The following ARID2 variants were observed in gnomAD, a reference collection of about 807,000 sequenced individuals.
The protein encoded by ARID2 is AT-rich interactive domain-containing protein 2.
Under a neutral mutation model 184.6 loss-of-function variants are expected in ARID2, and 32 were observed. That is an observed-to-expected ratio of 0.17 (90% CI 0.13 to 0.23). ARID2 has a LOEUF of 0.23. Ranked by LOEUF, ARID2 falls within the 10% of genes least tolerant of loss-of-function variation. ARID2 has a pLI of 1.00. For synonymous variants in ARID2, 836 were observed against 772.6 expected (o/e 1.08, Z -1.36); for missense variants, 1,696 against 2,197.6 (o/e 0.77, Z 4.56).
At chr12:45,757,732 G>T (rs1941595689) in intron 3 of ARID2, among the ~76,000 whole-genome samples, 1 of 152,190 alleles carries the variant, frequency 6.6e-6, no homozygotes, top group South Asian at 2.1e-4. Flanking sequence ...CCTGATTAGT[G>T]AATTAGCAAA....
intron 3 of ARID2, among the ~76,000 whole-genome samples, chr12:45,744,184 C>G (rs1941316457): frequency 6.6e-6 from 1 of 152,028 alleles, no homozygotes; most frequent in Non-Finnish European, 1.5e-5. Flanking sequence ...TTGTTGCTGA[C>G]CTTAGTTTGA....
At chr12:45,866,928 T>TTTG (rs369872664) in intron 16 of ARID2, among the ~76,000 whole-genome samples, 13,601 of 150,110 alleles carry the variant, frequency 0.091, 966 homozygotes, top group East Asian at 0.34. Context: ...TTTTGTGAAG[T>TTTG]TTGTTGTTGT....
At chr12:45,798,639 T>C (rs1194289009) in intron 3 of ARID2, among the ~76,000 whole-genome samples, 1 of 152,222 alleles carries the variant, frequency 6.6e-6, no homozygotes, top group African/African-American at 2.4e-5. Flanking sequence ...GGTACTTGAA[T>C]GTGGGATATC....
intron 16 of ARID2, among the ~76,000 whole-genome samples, chr12:45,890,944 A>T (rs1944292052): frequency 6.6e-6 from 1 of 152,160 alleles, no homozygotes; most frequent in African/African-American, 2.4e-5. Context: ...AGGCGGGCAG[A>T]TCATGAGGTC....
chr12:45,857,105 TGTTA>T (rs1233052026), intron 15 of ARID2, among the ~76,000 whole-genome samples: 2 of 152,214 alleles, frequency 1.3e-5, no homozygotes, highest in African/African-American at 2.4e-5. Flanking sequence ...GAACATAATC[TGTTA>T]GTTATCTGTT....
intron 10 of ARID2, among the ~76,000 whole-genome samples, chr12:45,838,721 C>T (rs1258138267): frequency 3.3e-5 from 5 of 151,960 alleles, no homozygotes; most frequent in South Asian, 2.1e-4. Flanking sequence ...GAGCTGTGAT[C>T]GTGCCAGCAC....
At chr12:45,755,760 C>G (rs59340060) in intron 3 of ARID2, among the ~76,000 whole-genome samples, 14,287 of 152,152 alleles carry the variant, frequency 0.094, 2,293 homozygotes, top group African/African-American at 0.32. Context: ...CTCAGCACTT[C>G]TCTCTGAATA....
intron 3 of ARID2, among the ~76,000 whole-genome samples, chr12:45,751,765 A>G (rs933332896): frequency 3.9e-5 from 6 of 152,344 alleles, no homozygotes; most frequent in Admixed American, 6.5e-5. Flanking sequence ...ACTGTAGGCA[A>G]TTGTAACCCC....
intron 3 of ARID2, among the ~76,000 whole-genome samples, chr12:45,788,642 A>C (rs1453308043): frequency 6.6e-6 from 1 of 152,146 alleles, no homozygotes; most frequent in African/African-American, 2.4e-5. Flanking sequence ...TATAGTGAAA[A>C]ATTTCAAGGA....
chr12:45,760,340 C>T (rs189380615), intron 3 of ARID2, among the ~76,000 whole-genome samples: 1 of 152,258 alleles, frequency 6.6e-6, no homozygotes, highest in East Asian at 1.9e-4. Context: ...ATGTCACATA[C>T]GTCATATGAT....
At chr12:45,806,094 T>C (rs1230107525) in intron 3 of ARID2, among the ~76,000 whole-genome samples, 1 of 152,180 alleles carries the variant, frequency 6.6e-6, no homozygotes, top group Non-Finnish European at 1.5e-5. Context: ...AGAAACATAA[T>C]TGGGTAGGAA....
At chr12:45,783,976 T>C (rs921471363) in intron 3 of ARID2, among the ~76,000 whole-genome samples, 2 of 152,006 alleles carry the variant, frequency 1.3e-5, no homozygotes, top group East Asian at 3.9e-4. Context: ...AAAATATAAA[T>C]ATGCAAAAAA....
chr12:45,770,231 C>T (rs1050110975), intron 3 of ARID2, among the ~76,000 whole-genome samples: 14 of 150,602 alleles, frequency 9.3e-5, no homozygotes, highest in East Asian at 1.9e-4. Context: ...CCAGCCTGGG[C>T]GACAGAGCGA....
intron 3 of ARID2, among the ~76,000 whole-genome samples, chr12:45,790,843 AT>A (rs993410266): frequency 9.2e-5 from 14 of 151,962 alleles, no homozygotes; most frequent in South Asian, 2.1e-4. Context: ...TTTAGATATG[AT>A]TTTTTTTAAT....
intron 16 of ARID2, among the ~76,000 whole-genome samples, chr12:45,865,766 C>G (rs1042516535): frequency 6.6e-6 from 1 of 151,984 alleles, no homozygotes; most frequent in African/African-American, 2.4e-5. Flanking sequence ...ACTTTCTTTT[C>G]TCATACTATA....
intron 3 of ARID2, among the ~76,000 whole-genome samples, chr12:45,804,812 T>C (rs182898801): frequency 2.0e-5 from 3 of 152,236 alleles, no homozygotes; most frequent in East Asian, 1.9e-4. Flanking sequence ...TGGCAGACTT[T>C]AGCTTGTCCT....
chr12:45,780,337 T>TA (rs1942065913), intron 3 of ARID2, among the ~76,000 whole-genome samples: 1 of 152,196 alleles, frequency 6.6e-6, no homozygotes, highest in South Asian at 2.1e-4. Flanking sequence ...GCCTTATAGT[T>TA]AAAGAATGAC....
intron 4 of ARID2, among the ~76,000 whole-genome samples, chr12:45,813,498 A>G (rs1272326211): frequency 6.6e-6 from 1 of 150,598 alleles, no homozygotes; most frequent in Non-Finnish European, 1.5e-5. Flanking sequence ...ATTATCTAAT[A>G]TTAGATTGAG....
intron 3 of ARID2, among the ~76,000 whole-genome samples, chr12:45,761,775 C>T (rs913364684): frequency 6.6e-6 from 1 of 151,900 alleles, no homozygotes; most frequent in Non-Finnish European, 1.5e-5. Flanking sequence ...GTGAATTCTG[C>T]AAAATTCTGT....
Sources: allele counts gnomAD v4.1 joint callset (sites outside exome capture counted in the v4.1 genomes callset), GRCh38; gene constraint gnomAD v4.1.1; transcripts MANE v1.5; gene names NCBI Gene and HGNC (gene_info 2026-07-23, HGNC 2026-07-21).